LTV1: variants seen among roughly 807,000 people sequenced by gnomAD.
The protein encoded by LTV1 is LTV1 ribosome biogenesis factor.
Under a neutral mutation model 59.9 loss-of-function variants are expected in LTV1, and 39 were observed. That is an observed-to-expected ratio of 0.65 (90% CI 0.50 to 0.85). The LOEUF (loss-of-function observed/expected upper bound fraction) is 0.85, where lower values mean the gene tolerates loss of function less well. LTV1 is among the 40% of genes least tolerant of loss of function. The pLI is 0.00. For synonymous variants in LTV1, 171 were observed against 189.5 expected (o/e 0.90, Z 0.80); for missense variants, 493 against 549.1 (o/e 0.90, Z 1.02).
chr6:143,860,763 G>T (rs140474827), intron 7 of LTV1, among the ~76,000 whole-genome samples: 1 of 152,276 alleles, frequency 6.6e-6, no homozygotes, highest in African/African-American at 2.4e-5. Flanking sequence ...CTTGGGTCAT[G>T]TATAGCTCAT....
chr6:143,856,923 T>C (rs1777085391), intron 4 of LTV1, among the ~76,000 whole-genome samples: 1 of 152,206 alleles, frequency 6.6e-6, no homozygotes, highest in South Asian at 2.1e-4. Context: ...AGGGACCCAC[T>C]TGAGGAGGCA....
chr6:143,860,222 A>T (rs1165123779), intron 6 of LTV1, among the ~76,000 whole-genome samples: 1 of 152,218 alleles, frequency 6.6e-6, no homozygotes, highest in Non-Finnish European at 1.5e-5. Context: ...TTTTTAGGCT[A>T]AATGTAAGTC....
Position 143,846,166 on chromosome 6 carries a change from C to A in LTV1, c.251C>A (p.Ser84Ter). Reference sequence around the variant, plus strand: ...TCTGGGCCTTCAGAGCTTATTCCCTCAAGTACCTTCAGTGCACACAACAGG... The same window carrying A: ...TCTGGGCCTTCAGAGCTTATTCCCTAAAGTACCTTCAGTGCACACAACAGG... The part of the protein sequence containing the change: ...EPSGPSELIP[S>*]STFSAHNRRE... The change falls in exon 3 of 11, where the codon TCA becomes TAA. Residue 84 changes from serine (S) to a stop codon, truncating the protein, a stop_gained. Transcript: ENST00000367576. LOFTEE classifies it high-confidence loss of function. 1 of 1,614,204 alleles carries A rather than the reference C, an allele frequency of 6.2e-7. No homozygotes were observed. Among genetic ancestry groups the A allele is most frequent in the Non-Finnish European group, 8.5e-7 (1 of 1,180,030 alleles).
intron 4 of LTV1, among the ~76,000 whole-genome samples, chr6:143,854,894 A>G (rs1384375914): frequency 1.1e-4 from 17 of 152,114 alleles, no homozygotes; most frequent in Non-Finnish European, 5.9e-5. Flanking sequence ...GATAAGTGCA[A>G]TGTGGTGCTG....
chr6:143,847,538 T>G (rs932162721), intron 3 of LTV1, among the ~76,000 whole-genome samples: 2 of 152,156 alleles, frequency 1.3e-5, no homozygotes, highest in African/African-American at 4.8e-5. Flanking sequence ...ATTTTGTATT[T>G]TTAGTAGAGC....
rs1043241432 is a variant in LTV1, at chr6:143,857,347, G to A, written c.442G>A (p.Asp148Asn). ...FDPDIVAALD[D>N]DFDFDDPDNL... is the part of the protein sequence containing the mutation. ...TCCTGACATTGTTGCAGCTCTTGAT[G>A]ATGATTTTGACTTTGATGATCCAGA... The change falls in exon 5 of 11, where the codon GAT becomes AAT. Residue 148 changes from aspartate to asparagine, a missense_variant. Coordinates refer to ENST00000367576, the MANE Select transcript of LTV1 (RefSeq NM_032860.5). The surrounding 1 kb of genome is among the most constrained non-coding windows in gnomAD (Gnocchi z 5.2). The A allele has an allele frequency of 2.5e-6, 4 of 1,613,886 alleles. No homozygotes were observed. The African/African-American group carries it at 5.3e-5, about 22-fold the overall frequency.
chr6:143,854,286 G>A (rs1054040993), intron 4 of LTV1, among the ~76,000 whole-genome samples: 6 of 152,034 alleles, frequency 3.9e-5, no homozygotes, highest in East Asian at 3.9e-4. Context: ...CTGTGGGATC[G>A]GTGGTGATAT....
intron 3 of LTV1, among the ~76,000 whole-genome samples, chr6:143,848,854 A>G (rs1562329488): frequency 1.3e-5 from 2 of 152,340 alleles, no homozygotes; most frequent in East Asian, 3.9e-4. Context: ...GAACATTTTC[A>G]GTCAGGCTGC....
intron 3 of LTV1, among the ~76,000 whole-genome samples, chr6:143,846,731 C>T (rs111643537): frequency 0.014 from 2,078 of 152,220 alleles, 52 homozygotes; most frequent in African/African-American, 0.045. Flanking sequence ...AATGATAGTA[C>T]GTGTTTATAA....
At chr6:143,861,297 G>T (rs955271725) in intron 7 of LTV1, among the ~76,000 whole-genome samples, 2 of 151,854 alleles carry the variant, frequency 1.3e-5, no homozygotes, top group Non-Finnish European at 2.9e-5. Context: ...GACAGGCTGG[G>T]CGTGGTGGTG....
chr6:143,859,925 C>G (rs894838189), intron 6 of LTV1, among the ~76,000 whole-genome samples: 2 of 151,944 alleles, frequency 1.3e-5, no homozygotes, highest in Non-Finnish European at 2.9e-5. Flanking sequence ...GCAGTGCAGA[C>G]CCTGTTTCTA....
rs1285433527 is a variant in LTV1 at position 143,863,080 on chromosome 6, T to C, written c.1117-6T>C. On this transcript the variant is annotated splice_polypyrimidine_tract_variant and splice_region_variant and intron_variant, in intron 9 of 10. Coordinates refer to ENST00000367576, the MANE Select transcript of LTV1 (RefSeq NM_032860.5). The surrounding 1 kb of genome is among the most constrained non-coding windows in gnomAD (Gnocchi z 4.5). Reference sequence around the variant, plus strand: ...TAACTCTAGTACCATTTTATCTGTATTTCAGCCCAAACAAATTCGAATATC... The same window carrying C: ...TAACTCTAGTACCATTTTATCTGTACTTCAGCCCAAACAAATTCGAATATC... 2 of 1,611,828 alleles carry C rather than the reference T, an allele frequency of 1.2e-6. No homozygotes were observed. Among genetic ancestry groups the C allele is most frequent in the South Asian group, 2.2e-5 (2 of 90,942 alleles).
chr6:143,852,041 C>G (rs543398752), intron 4 of LTV1, among the ~76,000 whole-genome samples: 8 of 152,308 alleles, frequency 5.3e-5, no homozygotes, highest in African/African-American at 1.7e-4. Flanking sequence ...CCTACGTGTG[C>G]ATGTGTCTTT....
rs571007774 is a variant in LTV1, at chr6:143,855,017, C to T, written c.398-2286C>T. Among the ~76,000 whole-genome samples, 7 of 152,168 alleles carry T rather than the reference C, an allele frequency of 4.6e-5. No individual in the cohort carries two copies. The highest frequency in any genetic ancestry group is 1.2e-4 in the African/African-American group (5 of 41,500). ...GAAGATCCTTGTGAATTTTCTGTCT[C>T]GTTGATCTGTCTAATATTGACAGTG... On this transcript the variant is annotated intron_variant, in intron 4 of 10. Transcript: ENST00000367576. This position sits in a 1 kb window ranked among gnomAD's most constrained non-coding sequence, Gnocchi z 4.6.
chr6:143,849,494 T>C (rs558567384), intron 3 of LTV1, among the ~76,000 whole-genome samples: 217 of 152,332 alleles, frequency 1.4e-3, no homozygotes, highest in Middle Eastern at 3.4e-3. Context: ...TTTGTTCTTT[T>C]GGTAAAACAT....
Position 143,857,166 on chromosome 6 carries a change from T to C in LTV1, c.398-137T>C. On this transcript the variant is annotated intron_variant, in intron 4 of 10. Coordinates refer to ENST00000367576, the MANE Select transcript of LTV1 (RefSeq NM_032860.5). This position sits in a 1 kb window ranked among gnomAD's most constrained non-coding sequence, Gnocchi z 5.2. ...GTTCATTCTTTATTCTTCACTAGAC[T>C]GAACTTAGTTCTTAATCGTTCTTTT... 9.5e-7 allele frequency: 1 copy of C among 1,049,296 alleles called. No homozygotes were observed. Among genetic ancestry groups the C allele is most frequent in the Middle Eastern group, 3.2e-4 (1 of 3,136 alleles). The allele number at this position is 1,049,296 out of a possible 1,614,324, so 65.0% of individuals were successfully genotyped here. A position where few individuals can be genotyped will look rare whatever the true frequency, so the allele number is the denominator to read the frequency against.
chr6:143,860,624 T>C (rs1777147049), intron 7 of LTV1, 71 bp downstream of exon 7: 1 of 1,383,824 alleles, frequency 7.2e-7, no homozygotes, highest in Non-Finnish European at 9.7e-7. Flanking sequence ...AAGAAAGGTC[T>C]ATAGTATAAC....
chr6:143,855,875 A>G lies in LTV1; in HGVS notation c.398-1428A>G, dbSNP rs1180513794. ...ACCTTTCTCTCTGGCTGCCCTTAAC[A>G]TTTTTTTCTTCATTTCAACCTTCGT... On this transcript the variant is annotated intron_variant, in intron 4 of 10. Coordinates refer to ENST00000367576, the MANE Select transcript of LTV1 (RefSeq NM_032860.5). This position sits in a 1 kb window ranked among gnomAD's most constrained non-coding sequence, Gnocchi z 4.6. Among the ~76,000 whole-genome samples the G allele has an allele frequency of 6.6e-6, 1 of 151,572 alleles. No individual in the cohort carries two copies. Among genetic ancestry groups the G allele is most frequent in the Non-Finnish European group, 1.5e-5 (1 of 67,922 alleles).
chr6:143,853,374 T>C (rs996174901), intron 4 of LTV1, among the ~76,000 whole-genome samples: 5 of 152,180 alleles, frequency 3.3e-5, no homozygotes, highest in Admixed American at 2.6e-4. Flanking sequence ...TGGGCTGAGA[T>C]GATGGGGTTT....
Sources: allele counts gnomAD v4.1 joint callset (sites outside exome capture counted in the v4.1 genomes callset), GRCh38; gene constraint gnomAD v4.1.1; non-coding constraint Gnocchi (gnomAD v3.1); transcripts MANE v1.5; gene names NCBI Gene and HGNC (gene_info 2026-07-23, HGNC 2026-07-21).